Variants in RUNX2 observed in about 807,000 individuals in gnomAD.
The protein encoded by RUNX2 is runt-related transcription factor 2.
RUNX2 carries 10 observed loss-of-function variants against 51.7 expected under a neutral mutation model. That is an observed-to-expected ratio of 0.19 (90% CI 0.12 to 0.33). RUNX2 has a LOEUF of 0.33. Among genes scored for constraint, RUNX2 ranks in the 10% least tolerant of loss-of-function variants. The pLI, the probability that RUNX2 is intolerant of heterozygous loss-of-function variation, is 1.00. For synonymous variants in RUNX2, 276 were observed against 273.6 expected, an observed-to-expected ratio of 1.01 and a Z score of -0.09; for missense variants, 562 against 691.3, an observed-to-expected ratio of 0.81 and a Z score of 2.10.
rs886061505 is a variant in RUNX2, at chr6:45,549,990, T to TTTTC, written c.*2697_*2700dup. The TTTTC allele has an allele frequency of 6.9e-6, 1 of 144,744 alleles. No homozygotes were observed. The highest frequency in any genetic ancestry group is 2.6e-5 in the African/African-American group (1 of 37,934). The allele number at this position is 144,744 out of a possible 1,614,324, so 9.0% of individuals were successfully genotyped here. On this transcript the variant is annotated 3_prime_UTR_variant, in exon 9 of 9. Transcript: ENST00000647337. ...TTTGGTCTAGGGATTAAAATTTTGT[T>TTTTC]TTTCTTTCTTTCTTTTTTTTTTTTT...
chr6:45,491,840 C>A, intron 5 of RUNX2, 101 bp from the exon 6 acceptor site: 4 of 1,171,346 alleles, frequency 3.4e-6, no homozygotes, highest in Non-Finnish European at 5.1e-6. Flanking sequence ...ATTGATAATT[C>A]CTTGGCTTAA....
At chr6:45,348,513 A>AAAAAAAAAAAAG (rs1491561914) in intron 2 of RUNX2, among the ~76,000 whole-genome samples, 1 of 42,660 alleles carries the variant, frequency 2.3e-5, no homozygotes, top group East Asian at 3.2e-4. Flanking sequence ...CTAAAAATAC[A>AAAAAAAAAAAAG]AAAAAAAAAA....
At chr6:45,499,651 T>A (rs1006787753) in intron 6 of RUNX2, among the ~76,000 whole-genome samples, 2 of 152,238 alleles carry the variant, frequency 1.3e-5, no homozygotes, top group Non-Finnish European at 2.9e-5. Context: ...GAGGGTGATG[T>A]TCCCAGAAAA....
intron 5 of RUNX2, among the ~76,000 whole-genome samples, chr6:45,452,239 C>T (rs560695735): frequency 6.6e-6 from 1 of 152,288 alleles, no homozygotes; most frequent in East Asian, 1.9e-4. Context: ...TAACCTGGAG[C>T]TTGAGTGATG....
intron 2 of RUNX2, among the ~76,000 whole-genome samples, chr6:45,370,789 C>T (rs1275150454): frequency 1.3e-5 from 2 of 152,160 alleles, no homozygotes; most frequent in Non-Finnish European, 2.9e-5. Context: ...TTTGAACAGA[C>T]ATAGGAGCCC....
chr6:45,416,051 G>A (rs1384093952), intron 2 of RUNX2, among the ~76,000 whole-genome samples: 1 of 152,194 alleles, frequency 6.6e-6, no homozygotes, highest in Non-Finnish European at 1.5e-5. Context: ...TGTTTTCTCT[G>A]AGAAAAGTCT....
At chr6:45,378,187 CTGGGGACGCTGGGAGCGGAG>C (rs1797093818) in intron 2 of RUNX2, among the ~76,000 whole-genome samples, 1 of 152,202 alleles carries the variant, frequency 6.6e-6, no homozygotes, top group South Asian at 2.1e-4. Context: ...GCGTTTAGAG[CTGGGGACGCTGGGAGCGGAG>C]TGGGGACGAG....
At chr6:45,473,760 G>A (rs1799874182) in intron 5 of RUNX2, among the ~76,000 whole-genome samples, 1 of 152,160 alleles carries the variant, frequency 6.6e-6, no homozygotes. Context: ...AAACCATATG[G>A]CACTATTCTC....
chr6:45,361,854 C>G (rs1431673885), intron 2 of RUNX2, among the ~76,000 whole-genome samples: 2 of 152,104 alleles, frequency 1.3e-5, no homozygotes, highest in Non-Finnish European at 2.9e-5. Flanking sequence ...AGTTTGAGAC[C>G]AGCCTGGCCA....
At chr6:45,493,595 C>T (rs1025964287) in intron 6 of RUNX2, among the ~76,000 whole-genome samples, 1 of 151,952 alleles carries the variant, frequency 6.6e-6, no homozygotes, top group Non-Finnish European at 1.5e-5. Flanking sequence ...CCAGACTTCA[C>T]CTCTATGCAC....
chr6:45,405,561 G>A (rs780039362), intron 2 of RUNX2, among the ~76,000 whole-genome samples: 17 of 152,346 alleles, frequency 1.1e-4, no homozygotes, highest in Admixed American at 5.2e-4. Flanking sequence ...GGCCGAGGCA[G>A]GGGGATCACC....
intron 3 of RUNX2, among the ~76,000 whole-genome samples, chr6:45,429,651 G>GC (rs1268283323): frequency 1.3e-5 from 2 of 152,338 alleles, no homozygotes; most frequent in African/African-American, 4.8e-5. Flanking sequence ...AACAATGTCA[G>GC]AAAACAAGCT....
At chr6:45,471,802 C>A (rs989866377) in intron 5 of RUNX2, among the ~76,000 whole-genome samples, 9 of 152,128 alleles carry the variant, frequency 5.9e-5, no homozygotes, top group Admixed American at 5.9e-4. Flanking sequence ...CCATCAAAAT[C>A]GGAAGTTAGG....
intron 7 of RUNX2, among the ~76,000 whole-genome samples, chr6:45,538,959 T>C (rs1802131487): frequency 6.6e-6 from 1 of 152,070 alleles, no homozygotes; most frequent in Non-Finnish European, 1.5e-5. Flanking sequence ...AGACTATCCA[T>C]CCTTCCTAGG....
intron 2 of RUNX2, among the ~76,000 whole-genome samples, chr6:45,412,368 A>G (rs1797969609): frequency 1.3e-5 from 2 of 151,460 alleles, no homozygotes; most frequent in East Asian, 1.9e-4. Flanking sequence ...AAAATAAAAA[A>G]TAAAAAACAA....
At chr6:45,356,398 C>CT (rs987451278) in intron 2 of RUNX2, among the ~76,000 whole-genome samples, 2 of 150,604 alleles carry the variant, frequency 1.3e-5, no homozygotes, top group African/African-American at 4.9e-5. Flanking sequence ...ATTCTCATTT[C>CT]TTTTTTTTTC....
At chr6:45,510,905 A>G (rs1432895281) in intron 6 of RUNX2, among the ~76,000 whole-genome samples, 1 of 152,162 alleles carries the variant, frequency 6.6e-6, no homozygotes, top group Admixed American at 6.5e-5. Context: ...ACTGAGGCTC[A>G]GAGTGACTGA....
At chr6:45,454,432 G>A (rs1021642490) in intron 5 of RUNX2, among the ~76,000 whole-genome samples, 1 of 152,234 alleles carries the variant, frequency 6.6e-6, no homozygotes, top group Non-Finnish European at 1.5e-5. Flanking sequence ...GAAATCTGAT[G>A]ATCTAGATAG....
intron 5 of RUNX2, among the ~76,000 whole-genome samples, chr6:45,485,673 ATGTG>A (rs370831246): frequency 0.015 from 1,845 of 124,210 alleles, 84 homozygotes; most frequent in African/African-American, 0.05. Context: ...ATGGATATGT[ATGTG>A]TGTGTGTGTG....
Sources: gnomAD v4.1 joint callset for allele counts (sites outside exome capture counted in the v4.1 genomes callset) on GRCh38, gnomAD v4.1.1 for gene constraint, MANE v1.5 for transcripts, NCBI Gene and HGNC (gene_info 2026-07-23, HGNC 2026-07-21) for gene names.